Variants in GLDC observed in about 807,000 individuals in gnomAD.
GLDC encodes the protein glycine decarboxylase.
In GLDC, 104 loss-of-function variants were observed where a neutral mutation model predicts 121.3. The ratio of observed to expected loss-of-function variants is 0.86; its 90% CI spans 0.73 to 1.01. The LOEUF is 1.01. Ranked by LOEUF, GLDC falls within the 50% of genes least tolerant of loss-of-function variation. GLDC has a pLI of 0.00. For missense variants in GLDC, 1,429 were observed against 1,306.6 expected (o/e 1.09, Z -1.44); for synonymous variants, 546 against 480.6 (o/e 1.14, Z -1.78).
chr9:6,556,371 CT>C, intron 17 of GLDC, 69 bp from the exon 18 acceptor site: 1 of 1,294,186 alleles, frequency 7.7e-7, no homozygotes, highest in Non-Finnish European at 1.1e-6. Flanking sequence ...AAATCCTCGC[CT>C]TTCATTTTAA....
intron 2 of GLDC, among the ~76,000 whole-genome samples, chr9:6,635,914 A>G: frequency 6.6e-6 from 1 of 152,150 alleles, no homozygotes; most frequent in East Asian, 1.9e-4. Context: ...AAAATGTTTT[A>G]AAATAAAAAT....
At chr9:6,608,965 G>C (rs532412479) in intron 4 of GLDC, among the ~76,000 whole-genome samples, 6 of 152,074 alleles carry the variant, frequency 3.9e-5, no homozygotes, top group Non-Finnish European at 8.8e-5. Context: ...CCTATGGCTG[G>C]AATGCACCAG....
intron 16 of GLDC, among the ~76,000 whole-genome samples, chr9:6,563,099 G>C (rs1261229255): frequency 1.3e-5 from 2 of 152,202 alleles, no homozygotes; most frequent in African/African-American, 4.8e-5. Context: ...AGAAGGGAAG[G>C]AGGACAGGAA....
chr9:6,645,204 G>C (rs1384804068), intron 1 of GLDC, 41 bp downstream of exon 1: 4 of 1,540,832 alleles, frequency 2.6e-6, no homozygotes, highest in Non-Finnish European at 3.5e-6. Flanking sequence ...GCCCGGGCAG[G>C]GCGGAGGGGA....
chr9:6,628,167 T>C (rs1819286879), intron 2 of GLDC, among the ~76,000 whole-genome samples: 1 of 152,122 alleles, frequency 6.6e-6, no homozygotes, highest in Non-Finnish European at 1.5e-5. Context: ...ACACCTCTTC[T>C]CCCGTGGAAA....
At chr9:6,546,130 C>T (rs1192338146) in intron 21 of GLDC, among the ~76,000 whole-genome samples, 1 of 151,994 alleles carries the variant, frequency 6.6e-6, no homozygotes, top group Non-Finnish European at 1.5e-5. Context: ...AAAACTAAGA[C>T]ACAAACACAC....
intron 4 of GLDC, among the ~76,000 whole-genome samples, chr9:6,608,499 G>A (rs1454073944): frequency 6.6e-6 from 1 of 150,500 alleles, no homozygotes; most frequent in Non-Finnish European, 1.5e-5. Flanking sequence ...CCAGCAATTT[G>A]GGAGGCCGAG....
intron 9 of GLDC, among the ~76,000 whole-genome samples, chr9:6,593,361 T>C (rs912117724): frequency 6.6e-5 from 10 of 151,650 alleles, no homozygotes; most frequent in South Asian, 2.1e-4. Context: ...GGCATGATCA[T>C]AGCTGATTGC....
chr9:6,584,263 G>C (rs1818222712), intron 15 of GLDC, among the ~76,000 whole-genome samples: 1 of 152,196 alleles, frequency 6.6e-6, no homozygotes, highest in African/African-American at 2.4e-5. Context: ...GATGACACCT[G>C]TGACTGCACC....
Position 6,592,931 on chromosome 9 carries a change from G to A in GLDC, c.1321C>T (p.Gln441Ter). The A allele has an allele frequency of 6.2e-7, 1 of 1,614,048 alleles. No individual in the cohort carries two copies. The highest frequency in any genetic ancestry group is 8.5e-7 in the Non-Finnish European group (1 of 1,179,902). The change falls in exon 10 of 25, where the codon CAG (glutamine) becomes TAG (stop). Residue 441 changes from glutamine to a stop codon, truncating the protein, a stop_gained. Coordinates refer to ENST00000321612, the MANE Select transcript of GLDC (RefSeq NM_000170.3). LOFTEE classifies it high-confidence loss of function. ...ACCTCCTTCACTGAGCAGCCACACT[G>A]AATCTTCAAGGTATCAAAGAACAGG... ...HDLFFDTLKI[Q>*]CGCSVKEVLG...
chr9:6,541,924 GA>G (rs35336879), intron 21 of GLDC: 101,051 of 143,250 alleles, frequency 0.71, 35,689 homozygotes, highest in East Asian at 0.92. Context: ...CACGCTTGAA[GA>G]AAAAAAAAAA....
chr9:6,583,057 A>T (rs1818202649), intron 15 of GLDC, among the ~76,000 whole-genome samples: 1 of 152,296 alleles, frequency 6.6e-6, no homozygotes, highest in African/African-American at 2.4e-5. Context: ...GAGGAAACAG[A>T]AAATAACAAA....
At chr9:6,634,439 G>T (rs903673939) in intron 2 of GLDC, among the ~76,000 whole-genome samples, 2 of 152,146 alleles carry the variant, frequency 1.3e-5, no homozygotes, top group East Asian at 3.9e-4. Context: ...TGAGGAGGGA[G>T]GATCGCTTGA....
chr9:6,642,320 A>G (rs1819645776), intron 2 of GLDC, among the ~76,000 whole-genome samples: 1 of 152,162 alleles, frequency 6.6e-6, no homozygotes. Context: ...ACCTGAGGTC[A>G]GGAGTTCAAG....
At chr9:6,565,775 G>A (rs1199201599) in intron 15 of GLDC, 8 of 519,838 alleles carry the variant, frequency 1.5e-5, no homozygotes, top group East Asian at 9.6e-5. Flanking sequence ...AAGGAACTAC[G>A]ACGTGTGTGT....
At chr9:6,558,460 G>C in intron 17 of GLDC, 99 bp downstream of exon 17, 1 of 1,362,460 alleles carries the variant, frequency 7.3e-7, no homozygotes, top group East Asian at 2.3e-5. Context: ...CTTTTCATTA[G>C]AATGCAAGAG....
intron 2 of GLDC, among the ~76,000 whole-genome samples, chr9:6,620,941 G>T (rs1024166716): frequency 6.6e-6 from 1 of 152,134 alleles, no homozygotes; most frequent in African/African-American, 2.4e-5. Context: ...GCTGAGGTGG[G>T]CGGATCACCT....
chr9:6,533,743 A>G (rs1400808205), intron 24 of GLDC, among the ~76,000 whole-genome samples: 1 of 151,684 alleles, frequency 6.6e-6, no homozygotes, highest in Non-Finnish European at 1.5e-5. Flanking sequence ...CTGTAATCCC[A>G]GTTACTTGGG....
chr9:6,614,180 C>T (rs1818922726), intron 3 of GLDC, among the ~76,000 whole-genome samples: 1 of 152,114 alleles, frequency 6.6e-6, no homozygotes, highest in Non-Finnish European at 1.5e-5. Flanking sequence ...TACAGTGATT[C>T]ACAGATATCC....
Sources: gnomAD v4.1 joint callset for allele counts (sites outside exome capture counted in the v4.1 genomes callset) on GRCh38, gnomAD v4.1.1 for gene constraint, MANE v1.5 for transcripts, NCBI Gene and HGNC (gene_info 2026-07-23, HGNC 2026-07-21) for gene names.